Variants in GHR observed in about 807,000 individuals in gnomAD.
GHR encodes growth hormone receptor, also known as GH receptor.
GHR carries 35 observed loss-of-function variants against 67.1 expected under a neutral mutation model. The ratio of observed to expected loss-of-function variants is 0.52; its 90% CI spans 0.40 to 0.69. The LOEUF is 0.69. Among genes scored for constraint, GHR ranks in the 30% least tolerant of loss-of-function variants. The probability of loss-of-function intolerance (pLI) is 0.00; values close to 1 mark genes in which losing one functional copy is unlikely to be tolerated. For missense variants in GHR, 792 were observed against 764.6 expected, an observed-to-expected ratio of 1.04 and a Z score of -0.42; for synonymous variants, 272 against 269.1, an observed-to-expected ratio of 1.01 and a Z score of -0.10.
intron 2 of GHR, among the ~76,000 whole-genome samples, chr5:42,587,672 G>GT (rs1006888637): frequency 3.3e-3 from 486 of 145,554 alleles, no homozygotes; most frequent in Middle Eastern, 0.024. Flanking sequence ...GGTTTTTTTT[G>GT]TTTTTTTTTT....
intron 3 of GHR, among the ~76,000 whole-genome samples, chr5:42,630,746 G>C (rs1437820954): frequency 7.6e-6 from 1 of 131,888 alleles, no homozygotes; most frequent in East Asian, 2.0e-4. Flanking sequence ...TATTCTGTAA[G>C]GAAATGAGAA....
chr5:42,484,098 G>A (rs1433576173), intron 1 of GHR, among the ~76,000 whole-genome samples: 3 of 152,214 alleles, frequency 2.0e-5, no homozygotes, highest in Non-Finnish European at 4.4e-5. Context: ...ATGTTTATAA[G>A]TGTGTATCAT....
At chr5:42,471,122 A>T (rs1259307404) in intron 1 of GHR, among the ~76,000 whole-genome samples, 1 of 152,128 alleles carries the variant, frequency 6.6e-6, no homozygotes, top group African/African-American at 2.4e-5. Context: ...AATAGCCTAT[A>T]CTTTGATGTT....
At chr5:42,499,038 G>A (rs1399570549) in intron 1 of GHR, among the ~76,000 whole-genome samples, 2 of 152,188 alleles carry the variant, frequency 1.3e-5, no homozygotes, top group Admixed American at 6.5e-5. Context: ...GTAACAGATG[G>A]AATGATTTCT....
intron 1 of GHR, among the ~76,000 whole-genome samples, chr5:42,484,777 G>A (rs1400467315): frequency 6.6e-6 from 1 of 152,218 alleles, no homozygotes; most frequent in Non-Finnish European, 1.5e-5. Flanking sequence ...AAAGCTCATT[G>A]TAGTGTATTC....
chr5:42,629,683 T>G (rs1434641443), intron 3 of GHR, among the ~76,000 whole-genome samples: 1 of 131,964 alleles, frequency 7.6e-6, no homozygotes, highest in Admixed American at 7.3e-5. Flanking sequence ...CTGCTTTTTT[T>G]TCTATTTTTT....
intron 1 of GHR, among the ~76,000 whole-genome samples, chr5:42,552,568 A>G (rs369032650): frequency 3.1e-4 from 47 of 152,228 alleles, no homozygotes; most frequent in African/African-American, 1.1e-3. Flanking sequence ...TTGATCCAGA[A>G]GTGATTAGAC....
At chr5:42,599,056 G>A (rs1205285571) in intron 2 of GHR, among the ~76,000 whole-genome samples, 1 of 152,150 alleles carries the variant, frequency 6.6e-6, no homozygotes, top group Admixed American at 6.5e-5. Flanking sequence ...TGATTTTGTA[G>A]TTAGAAAAAA....
intron 1 of GHR, among the ~76,000 whole-genome samples, chr5:42,488,006 T>C (rs971014618): frequency 3.3e-5 from 5 of 152,192 alleles, no homozygotes; most frequent in Non-Finnish European, 7.3e-5. Flanking sequence ...GCTCTTAACA[T>C]GCTTTTGCTC....
chr5:42,483,489 C>T (rs1293537300), intron 1 of GHR, among the ~76,000 whole-genome samples: 3 of 142,524 alleles, frequency 2.1e-5, no homozygotes, highest in Non-Finnish European at 4.6e-5. Context: ...TTTATTTGGA[C>T]ATGTTAAAAA....
chr5:42,534,276 A>G (rs189417430), intron 1 of GHR, among the ~76,000 whole-genome samples: 1,956 of 139,396 alleles, frequency 0.014, 123 homozygotes, highest in African/African-American at 0.054. Flanking sequence ...ATGTGTATAT[A>G]TGTATATATG....
chr5:42,476,677 A>C (rs1263230277), intron 1 of GHR, among the ~76,000 whole-genome samples: 2 of 152,160 alleles, frequency 1.3e-5, no homozygotes, highest in African/African-American at 4.8e-5. Flanking sequence ...CTTTTTCTAA[A>C]GTTCCTTTCT....
chr5:42,583,379 C>T (rs947378558), intron 2 of GHR, among the ~76,000 whole-genome samples: 2 of 152,012 alleles, frequency 1.3e-5, no homozygotes, highest in Non-Finnish European at 2.9e-5. Flanking sequence ...CATTACTTTG[C>T]GTTCCACCTT....
intron 1 of GHR, among the ~76,000 whole-genome samples, chr5:42,501,044 C>A (rs766581578): frequency 6.6e-6 from 1 of 152,150 alleles, no homozygotes; most frequent in Non-Finnish European, 1.5e-5. Flanking sequence ...AGTTAATACT[C>A]CATCTTTAAA....
At chr5:42,504,466 G>A (rs914228401) in intron 1 of GHR, among the ~76,000 whole-genome samples, 5 of 152,076 alleles carry the variant, frequency 3.3e-5, no homozygotes, top group Non-Finnish European at 5.9e-5. Context: ...TTGTTCTAAA[G>A]GTATGAAGTC....
intron 1 of GHR, among the ~76,000 whole-genome samples, chr5:42,456,154 T>C (rs922286214): frequency 6.6e-6 from 1 of 151,988 alleles, no homozygotes; most frequent in Non-Finnish European, 1.5e-5. Context: ...CTACTAAAAA[T>C]ACAAAAATTA....
At chr5:42,433,556 G>A (rs1743188047) in intron 1 of GHR, among the ~76,000 whole-genome samples, 1 of 151,868 alleles carries the variant, frequency 6.6e-6, no homozygotes, top group African/African-American at 2.4e-5. Flanking sequence ...CACTATTAAT[G>A]TACATTCATG....
In GHR at chr5:42,424,968, G is replaced by A; in HGVS notation, c.-12+1013G>A. 3.0e-6 allele frequency: 3 copies of A among 984,116 alleles called. No individual in the cohort carries two copies. Among genetic ancestry groups the A allele is most frequent in the Non-Finnish European group, 3.6e-6 (3 of 828,728 alleles). The allele number at this position is 984,116 out of a possible 1,614,324, so 61.0% of individuals were successfully genotyped here. On this transcript the variant is annotated intron_variant, in intron 1 of 9. Coordinates refer to ENST00000230882, the MANE Select transcript of GHR (RefSeq NM_000163.5). The surrounding 1 kb of genome is among the most constrained non-coding windows in gnomAD (Gnocchi z 4.1). ...GCGCCTGAGCCAGTAGGGTGTGCAG[G>A]GTGGAAGAGGCCACAGAGGTGCCGC...
intron 1 of GHR, among the ~76,000 whole-genome samples, chr5:42,436,505 G>T (rs4866919): frequency 6.6e-6 from 1 of 151,976 alleles, no homozygotes; most frequent in Non-Finnish European, 1.5e-5. Flanking sequence ...AAAACATGTT[G>T]TTTTTTTAAT....
Sources: allele counts gnomAD v4.1 joint callset (sites outside exome capture counted in the v4.1 genomes callset), GRCh38; gene constraint gnomAD v4.1.1; non-coding constraint Gnocchi (gnomAD v3.1); transcripts MANE v1.5; gene names NCBI Gene and HGNC (gene_info 2026-07-23, HGNC 2026-07-21).